Variants in LEPR observed in about 807,000 individuals in gnomAD.
The protein encoded by LEPR is leptin receptor.
In LEPR, 56 loss-of-function variants were observed where a neutral mutation model predicts 114.7. That is an observed-to-expected ratio of 0.49 (90% CI 0.39 to 0.61). LEPR has a LOEUF of 0.61. Ranked by LOEUF, LEPR falls within the 20% of genes least tolerant of loss-of-function variation. LEPR has a pLI of 0.00. For synonymous variants in LEPR, 443 were observed against 461.4 expected (o/e 0.96, Z 0.51); for missense variants, 1,202 against 1,352.9 (o/e 0.89, Z 1.75).
chr1:65,620,846 A>G (rs1557701210), intron 17 of LEPR, among the ~76,000 whole-genome samples: 6 of 152,228 alleles, frequency 3.9e-5, no homozygotes, highest in Admixed American at 1.3e-4. Context: ...CCAAGAGCCT[A>G]TCAATGATGT....
intron 19 of LEPR, among the ~76,000 whole-genome samples, chr1:65,625,124 GAT>G (rs775335851): frequency 6.6e-6 from 1 of 152,084 alleles, no homozygotes; most frequent in Admixed American, 6.6e-5. Flanking sequence ...TTCAGAGAGA[GAT>G]ATATATATGT....
intron 11 of LEPR, among the ~76,000 whole-genome samples, chr1:65,605,669 C>T (rs1007685292): frequency 6.6e-6 from 1 of 152,118 alleles, no homozygotes; most frequent in Non-Finnish European, 1.5e-5. Flanking sequence ...CTATGTAGGG[C>T]ACAGAAGCAT....
intron 19 of LEPR, among the ~76,000 whole-genome samples, chr1:65,624,944 A>G (rs1658110573): frequency 6.6e-6 from 1 of 152,164 alleles, no homozygotes; most frequent in Non-Finnish European, 1.5e-5. Context: ...GCTTTGCCTG[A>G]GTCTAATCAG....
intron 18 of LEPR, 124 bp from the exon 19 acceptor site, chr1:65,622,782 A>T: frequency 3.2e-6 from 3 of 932,568 alleles, no homozygotes; most frequent in Non-Finnish European, 3.3e-6. Flanking sequence ...GTGAAAATGC[A>T]TCTGACCCTA....
chr1:65,445,539 C>T (rs370793641), intron 2 of LEPR, among the ~76,000 whole-genome samples: 8 of 152,062 alleles, frequency 5.3e-5, no homozygotes, highest in Admixed American at 2.6e-4. Context: ...GTCTTTATAA[C>T]GTGAAGATAA....
chr1:65,521,549 A>T (rs1254089082), intron 2 of LEPR, among the ~76,000 whole-genome samples: 1 of 152,208 alleles, frequency 6.6e-6, no homozygotes, highest in Non-Finnish European at 1.5e-5. Context: ...TATTCCATTA[A>T]CCAAAGCTGC....
intron 5 of LEPR, chr1:65,578,342 G>C: frequency 4.5e-6 from 1 of 221,110 alleles, no homozygotes; most frequent in Middle Eastern, 5.3e-4. Flanking sequence ...ATGTAAAAAT[G>C]TACCCATAAC....
intron 2 of LEPR, among the ~76,000 whole-genome samples, chr1:65,552,458 A>G (rs1224317661): frequency 2.6e-5 from 4 of 152,052 alleles, no homozygotes; most frequent in Non-Finnish European, 4.4e-5. Context: ...CCATTATGTC[A>G]TGCTCTTTTT....
chr1:65,507,825 T>C (rs1233257313), intron 2 of LEPR, among the ~76,000 whole-genome samples: 1 of 152,220 alleles, frequency 6.6e-6, no homozygotes, highest in East Asian at 1.9e-4. Context: ...ACCAACAGTG[T>C]ACAAGGGTTC....
At chr1:65,630,561 T>C (rs183414598) in intron 19 of LEPR, 1 of 152,286 alleles carries the variant, frequency 6.6e-6, no homozygotes, top group African/African-American at 2.4e-5. Context: ...TAAGAAATTA[T>C]ATTATTTCTT....
chr1:65,637,134 A>C lies in LEPR; in HGVS notation c.*119A>C. 3.4e-6 allele frequency: 4 copies of C among 1,179,410 alleles called. No individual in the cohort carries two copies. The South Asian group carries it at 5.8e-5, about 17-fold the overall frequency. 73.1% of individuals were successfully genotyped at this position (1,179,410 alleles called of 1,614,324 possible). On this transcript the variant is annotated 3_prime_UTR_variant, in exon 20 of 20. Coordinates refer to ENST00000349533, the MANE Select transcript of LEPR (RefSeq NM_002303.6). The stretch of plus-strand genomic sequence containing the variant: ...GTCAAATTTGAAAATAATTGTTCCA[A>C]ATGAATGTTGTCTGTTTGTTCTCTC...
chr1:65,535,120 A>G (rs1429499243), intron 2 of LEPR, among the ~76,000 whole-genome samples: 1 of 152,102 alleles, frequency 6.6e-6, no homozygotes, highest in Non-Finnish European at 1.5e-5. Context: ...ACACATAGAT[A>G]AACACACATA....
In LEPR at chr1:65,484,976, C is replaced by G. The variant is rs530100697; in HGVS notation, c.-21+59598C>G. 3.3e-5 allele frequency among the ~76,000 whole-genome samples: 5 copies of G among 152,270 alleles called. No individual in the cohort carries two copies. The South Asian group carries it at 8.3e-4, about 25-fold the overall frequency. The stretch of plus-strand genomic sequence containing the variant: ...GTGAAAGGAACTATCTTTCAGACAA[C>G]TAAATTCATGTTTGTTTCATATGAC... On this transcript the variant is annotated intron_variant, in intron 2 of 19. Coordinates refer to ENST00000349533, the MANE Select transcript of LEPR (RefSeq NM_002303.6).
rs114003135 is a variant in LEPR, at chr1:65,468,710, G to A, written c.-21+43332G>A. On this transcript the variant is annotated intron_variant, in intron 2 of 19. Coordinates refer to ENST00000349533, the MANE Select transcript of LEPR (RefSeq NM_002303.6). The stretch of plus-strand genomic sequence containing the variant: ...GGAGGAGCTATAGCTCTATGGAACC[G>A]TATGAATGGGAGAGTAAGGTTCAAC... Among the ~76,000 whole-genome samples the A allele has an allele frequency of 5.0e-3, 767 of 152,304 alleles. 8 individuals are homozygous for A. The highest frequency in any genetic ancestry group is 0.018 in the African/African-American group (732 of 41,558).
At chr1:65,443,351 C>T (rs143284576) in intron 2 of LEPR, among the ~76,000 whole-genome samples, 16 of 151,926 alleles carry the variant, frequency 1.1e-4, no homozygotes, top group Non-Finnish European at 1.3e-4. Context: ...CCCAGGAGTT[C>T]GAGACCTGCC....
chr1:65,445,038 G>A (rs1646696566), intron 2 of LEPR, among the ~76,000 whole-genome samples: 1 of 152,192 alleles, frequency 6.6e-6, no homozygotes, highest in Non-Finnish European at 1.5e-5. Context: ...CAAGCTAGAT[G>A]TGTAGGCTAT....
At chr1:65,424,920 C>T (rs377563518) in intron 1 of LEPR, among the ~76,000 whole-genome samples, 4 of 152,066 alleles carry the variant, frequency 2.6e-5, no homozygotes, top group African/African-American at 7.2e-5. Flanking sequence ...GGGATGGAGC[C>T]GGGAAGGTTT....
chr1:65,574,145 G>A lies in LEPR; in HGVS notation c.494+1696G>A, dbSNP rs79708204. Among the ~76,000 whole-genome samples, 26 of 152,206 alleles carry A rather than the reference G, an allele frequency of 1.7e-4. No individual in the cohort carries two copies. In the East Asian group the frequency reaches 2.7e-3, roughly 16 times the overall value. On this transcript the variant is annotated intron_variant, in intron 5 of 19. Transcript: ENST00000349533. ...GGGTTATCTAGTTAAGCTGGTGAGA[G>A]AAGAGAGGAGGAAAGGTTTCCTAAG...
intron 19 of LEPR, among the ~76,000 whole-genome samples, chr1:65,630,815 G>A (rs1364719866): frequency 6.6e-6 from 1 of 151,974 alleles, no homozygotes; most frequent in Non-Finnish European, 1.5e-5. Context: ...CTTTCTCAGA[G>A]TATTCTGTTC....
Sources: allele counts gnomAD v4.1 joint callset (sites outside exome capture counted in the v4.1 genomes callset), GRCh38; gene constraint gnomAD v4.1.1; transcripts MANE v1.5; gene names NCBI Gene and HGNC (gene_info 2026-07-23, HGNC 2026-07-21).